PTPRD: variants seen among roughly 807,000 people sequenced by gnomAD.
PTPRD encodes the protein protein tyrosine phosphatase receptor type D, also known as receptor-type tyrosine-protein phosphatase delta.
A neutral mutation model predicts 214.5 loss-of-function variants in PTPRD; 34 were observed. The ratio of observed to expected loss-of-function variants is 0.16; its 90% CI spans 0.12 to 0.21. PTPRD has a LOEUF of 0.21. Among genes scored for constraint, PTPRD ranks in the 10% least tolerant of loss-of-function variants. The pLI, the probability that PTPRD is intolerant of heterozygous loss-of-function variation, is 1.00. For missense variants in PTPRD, 2,545 were observed against 2,398.7 expected (o/e 1.06, Z -1.27); for synonymous variants, 1,128 against 845.7 (o/e 1.33, Z -5.79).
intron 3 of PTPRD, among the ~76,000 whole-genome samples, chr9:10,149,470 G>C (rs1350223404): frequency 6.6e-6 from 1 of 152,066 alleles, no homozygotes; most frequent in Non-Finnish European, 1.5e-5. Flanking sequence ...ACAAGAGTTG[G>C]CTTTAAATGA....
At chr9:10,200,496 G>A (rs1403644850) in intron 3 of PTPRD, among the ~76,000 whole-genome samples, 2 of 152,090 alleles carry the variant, frequency 1.3e-5, no homozygotes, top group African/African-American at 4.8e-5. Context: ...AATATTAATA[G>A]TGCAGTTGAA....
intron 9 of PTPRD, among the ~76,000 whole-genome samples, chr9:9,244,319 G>T (rs908130833): frequency 6.6e-6 from 1 of 151,954 alleles, no homozygotes; most frequent in Non-Finnish European, 1.5e-5. Context: ...AAAAGAGCCC[G>T]CATTGCCAAG....
intron 2 of PTPRD, among the ~76,000 whole-genome samples, chr9:10,365,430 A>T (rs1260318607): frequency 1.3e-5 from 2 of 152,052 alleles, no homozygotes. Context: ...CTTAGCACAC[A>T]CTTTTTCTGT....
At chr9:8,578,851 A>G (rs565660429) in intron 14 of PTPRD, among the ~76,000 whole-genome samples, 180 of 152,342 alleles carry the variant, frequency 1.2e-3, no homozygotes, top group African/African-American at 4.2e-3. Context: ...GTTAAACTTC[A>G]AATTACATGA....
At chr9:9,203,986 C>G (rs575187724) in intron 9 of PTPRD, among the ~76,000 whole-genome samples, 2 of 152,252 alleles carry the variant, frequency 1.3e-5, no homozygotes, top group South Asian at 4.1e-4. Context: ...CACAATATAT[C>G]TCTGATTTGG....
chr9:9,378,804 A>G (rs914628302), intron 9 of PTPRD, among the ~76,000 whole-genome samples: 4 of 152,074 alleles, frequency 2.6e-5, no homozygotes, highest in East Asian at 3.9e-4. Flanking sequence ...TGCCATCTGT[A>G]TATCTTCTTT....
At chr9:8,894,013 G>A (rs7853293) in intron 11 of PTPRD, among the ~76,000 whole-genome samples, 63,649 of 151,648 alleles carry the variant, frequency 0.42, 13,661 homozygotes, top group East Asian at 0.62. Flanking sequence ...ATTTTGTAAA[G>A]CACACCCGAA....
chr9:8,927,000 A>G (rs2098901724), intron 11 of PTPRD, among the ~76,000 whole-genome samples: 2 of 152,162 alleles, frequency 1.3e-5, no homozygotes, highest in Non-Finnish European at 2.9e-5. Context: ...CTACAAAATC[A>G]TGTCATCCAA....
intron 2 of PTPRD, among the ~76,000 whole-genome samples, chr9:10,581,089 A>G (rs899448522): frequency 6.6e-6 from 1 of 152,114 alleles, no homozygotes; most frequent in Non-Finnish European, 1.5e-5. Flanking sequence ...TACAAATGCC[A>G]TCTCTGGGCT....
intron 11 of PTPRD, among the ~76,000 whole-genome samples, chr9:8,909,639 T>C (rs2098732959): frequency 6.6e-6 from 1 of 152,034 alleles, no homozygotes; most frequent in Non-Finnish European, 1.5e-5. Context: ...GCTAGCATAA[T>C]ACATAATGAT....
chr9:9,889,231 T>A lies in PTPRD; in HGVS notation c.-368+49276A>T, dbSNP rs965618416. 1.1e-4 allele frequency among the ~76,000 whole-genome samples: 16 copies of A among 152,104 alleles called. No homozygotes were observed. In the East Asian group the frequency reaches 3.1e-3, roughly 29 times the overall value. On this transcript the variant is annotated intron_variant, in intron 5 of 45. Coordinates refer to ENST00000381196, the MANE Select transcript of PTPRD (RefSeq NM_002839.4). ...TGATATATAATAGTTAGCAATATAT[T>A]GTATTCTTGAAAAATGCTGACAGTG...
At chr9:10,450,599 G>A (rs958650858) in intron 2 of PTPRD, among the ~76,000 whole-genome samples, 89 of 151,894 alleles carry the variant, frequency 5.9e-4, no homozygotes, top group Admixed American at 5.8e-3. Flanking sequence ...TTTAAATTAA[G>A]CTATTATCCT....
At chr9:9,776,050 C>A (rs10115810) in intron 5 of PTPRD, among the ~76,000 whole-genome samples, 2,133 of 149,074 alleles carry the variant, frequency 0.014, 51 homozygotes, top group African/African-American at 0.05. Context: ...AATATAAGCA[C>A]TTTCTAGTAA....
At chr9:10,122,039 G>A (rs1202012115) in intron 3 of PTPRD, among the ~76,000 whole-genome samples, 1 of 152,204 alleles carries the variant, frequency 6.6e-6, no homozygotes, top group Non-Finnish European at 1.5e-5. Flanking sequence ...CTGGTGCGGT[G>A]GCTCACGCCT....
At chr9:10,458,981 T>G (rs1254887335) in intron 2 of PTPRD, among the ~76,000 whole-genome samples, 7 of 152,128 alleles carry the variant, frequency 4.6e-5, no homozygotes, top group Non-Finnish European at 1.5e-5. Flanking sequence ...ACACGTTCCG[T>G]GGTGGTTTGC....
At chr9:9,982,627 G>T (rs2095582755) in intron 4 of PTPRD, among the ~76,000 whole-genome samples, 2 of 151,892 alleles carry the variant, frequency 1.3e-5, no homozygotes, top group South Asian at 2.1e-4. Flanking sequence ...ACTTCCAGTT[G>T]CATTGTGTAT....
intron 11 of PTPRD, among the ~76,000 whole-genome samples, chr9:8,884,778 T>C (rs2098473014): frequency 6.6e-6 from 1 of 152,218 alleles, no homozygotes; most frequent in African/African-American, 2.4e-5. Context: ...TCACCTGTAG[T>C]TTTCTATTCT....
At chr9:9,417,654 T>A (rs2077389592) in intron 8 of PTPRD, among the ~76,000 whole-genome samples, 1 of 152,040 alleles carries the variant, frequency 6.6e-6, no homozygotes, top group Non-Finnish European at 1.5e-5. Context: ...TAAAAGCACA[T>A]AAAATTATCT....
intron 2 of PTPRD, among the ~76,000 whole-genome samples, chr9:10,544,211 T>C (rs2059736270): frequency 6.6e-6 from 1 of 152,168 alleles, no homozygotes; most frequent in African/African-American, 2.4e-5. Flanking sequence ...AAATATATCT[T>C]TAAAATTATG....
Sources: allele counts gnomAD v4.1 joint callset (sites outside exome capture counted in the v4.1 genomes callset), GRCh38; gene constraint gnomAD v4.1.1; transcripts MANE v1.5; gene names NCBI Gene and HGNC (gene_info 2026-07-23, HGNC 2026-07-21).